Variants in GPR158 observed in about 807,000 individuals in gnomAD.
GPR158 encodes metabotropic glycine receptor.
Under a neutral mutation model 78.2 loss-of-function variants are expected in GPR158, and 30 were observed. The ratio of observed to expected loss-of-function variants is 0.38; its 90% CI spans 0.29 to 0.52. The LOEUF (loss-of-function observed/expected upper bound fraction) is 0.52. Ranked by LOEUF, GPR158 falls within the 20% of genes least tolerant of loss-of-function variation. GPR158 has a pLI of 0.83. For missense variants in GPR158, 1,463 were observed against 1,523.5 expected, an observed-to-expected ratio of 0.96 and a Z score of 0.66; for synonymous variants, 581 against 591.1, an observed-to-expected ratio of 0.98 and a Z score of 0.25.
intron 2 of GPR158, among the ~76,000 whole-genome samples, chr10:25,342,947 T>A (rs1855324456): frequency 6.6e-6 from 1 of 151,784 alleles, no homozygotes. Flanking sequence ...CTCCAGCTTT[T>A]TTTCACCTAA....
intron 5 of GPR158, among the ~76,000 whole-genome samples, chr10:25,513,535 T>C (rs1232726671): frequency 6.6e-6 from 1 of 152,002 alleles, no homozygotes; most frequent in Non-Finnish European, 1.5e-5. Context: ...TGCTCTGATA[T>C]TCGTTGTTTC....
At chr10:25,575,804 TAA>T (rs1837085160) in intron 7 of GPR158, among the ~76,000 whole-genome samples, 1 of 152,004 alleles carries the variant, frequency 6.6e-6, no homozygotes, top group Admixed American at 6.5e-5. Flanking sequence ...TGAAAAAAAA[TAA>T]ACAGGAGCCA....
intron 2 of GPR158, among the ~76,000 whole-genome samples, chr10:25,313,158 A>T (rs933830033): frequency 2.0e-5 from 3 of 149,286 alleles, no homozygotes; most frequent in African/African-American, 4.9e-5. Flanking sequence ...TCTAATATTA[A>T]GTGAAGTATG....
chr10:25,259,818 T>A (rs1308639460), intron 2 of GPR158, among the ~76,000 whole-genome samples: 1 of 152,156 alleles, frequency 6.6e-6, no homozygotes, highest in Non-Finnish European at 1.5e-5. Context: ...GATTTATTCC[T>A]ATCTACTTTA....
chr10:25,512,234 G>A (rs867658126), intron 5 of GPR158, among the ~76,000 whole-genome samples: 6 of 152,010 alleles, frequency 3.9e-5, no homozygotes, highest in Non-Finnish European at 4.4e-5. Context: ...GGTTTTCCTT[G>A]TAGAGGTCTT....
intron 2 of GPR158, among the ~76,000 whole-genome samples, chr10:25,319,828 C>G (rs568313908): frequency 6.9e-6 from 1 of 144,748 alleles, no homozygotes; most frequent in South Asian, 2.2e-4. Context: ...CCCCACCCCC[C>G]CCAAAAAAAA....
At chr10:25,409,194 A>T (rs193168259) in intron 3 of GPR158, among the ~76,000 whole-genome samples, 1 of 152,252 alleles carries the variant, frequency 6.6e-6, no homozygotes, top group Non-Finnish European at 1.5e-5. Context: ...ACATTTTGTA[A>T]TCACATGAAA....
chr10:25,298,829 TCTA>T (rs1376733686), intron 2 of GPR158, among the ~76,000 whole-genome samples: 1 of 152,222 alleles, frequency 6.6e-6, no homozygotes, highest in Non-Finnish European at 1.5e-5. Context: ...TTATTTCTCT[TCTA>T]CTAGAGCCCT....
At chr10:25,181,397 C>T (rs1300699325) in intron 1 of GPR158, among the ~76,000 whole-genome samples, 1 of 152,192 alleles carries the variant, frequency 6.6e-6, no homozygotes, top group Non-Finnish European at 1.5e-5. Context: ...CCATCCTCAG[C>T]TGGCCATAAC....
intron 2 of GPR158, among the ~76,000 whole-genome samples, chr10:25,241,836 T>G (rs1037867468): frequency 3.3e-5 from 5 of 152,218 alleles, no homozygotes; most frequent in Non-Finnish European, 5.9e-5. Flanking sequence ...TTGGTACAGC[T>G]GAATTCTCAC....
chr10:25,305,332 C>A (rs1430095155), intron 2 of GPR158, among the ~76,000 whole-genome samples: 1 of 152,104 alleles, frequency 6.6e-6, no homozygotes, highest in Non-Finnish European at 1.5e-5. Flanking sequence ...ATATTTTAAG[C>A]CTTTACTATG....
chr10:25,374,725 A>G (rs546390563), intron 2 of GPR158, among the ~76,000 whole-genome samples: 18 of 151,820 alleles, frequency 1.2e-4, no homozygotes, highest in Middle Eastern at 3.4e-3. Flanking sequence ...GTGTGTATCA[A>G]TCGTGTGTTC....
rs531459618 is a variant in GPR158 at position 25,573,266 on chromosome 10, G to GT, written c.1753+385dup. Among the ~76,000 whole-genome samples the GT allele has an allele frequency of 1.8e-3, 269 of 152,314 alleles. 2 individuals carry two copies. The highest frequency in any genetic ancestry group is 6.8e-3 in the Middle Eastern group (2 of 294). Reference sequence around the variant, plus strand: ...TTGGGAGAAAAAAGGAAGCACGCTGGTTTTTTAAATAAAATGTTGGCCCTA... The same window carrying GT: ...TTGGGAGAAAAAAGGAAGCACGCTGGTTTTTTTAAATAAAATGTTGGCCCTA... On this transcript the variant is annotated intron_variant, in intron 7 of 10. Transcript: ENST00000376351.
chr10:25,324,731 A>G (rs1285668042), intron 2 of GPR158, among the ~76,000 whole-genome samples: 1 of 152,226 alleles, frequency 6.6e-6, no homozygotes, highest in Non-Finnish European at 1.5e-5. Context: ...AGTGCAATAA[A>G]ATGAGGTATG....
intron 3 of GPR158, among the ~76,000 whole-genome samples, chr10:25,396,981 G>A (rs1210398427): frequency 6.6e-6 from 1 of 152,046 alleles, no homozygotes; most frequent in Non-Finnish European, 1.5e-5. Flanking sequence ...TCAAGACCTA[G>A]CTACGTTACC....
chr10:25,466,721 TA>T lies in GPR158; in HGVS notation c.1404+4del. 1 of 1,562,312 alleles carries T rather than the reference TA, an allele frequency of 6.4e-7. No individual in the cohort carries two copies. The highest frequency in any genetic ancestry group is 8.7e-7 in the Non-Finnish European group (1 of 1,143,448). Reference sequence around the variant, plus strand: ...GGATCTCTGCTCCTATACTTTCCAGTAAGTAACAGAATTTTGTTTTTAAAGT... The same window carrying T: ...GGATCTCTGCTCCTATACTTTCCAGTAGTAACAGAATTTTGTTTTTAAAGT... On this transcript the variant is annotated splice_donor_region_variant and intron_variant, in intron 5 of 10. Transcript: ENST00000376351.
intron 2 of GPR158, among the ~76,000 whole-genome samples, chr10:25,319,856 T>C (rs1854920880): frequency 6.8e-6 from 1 of 147,332 alleles, no homozygotes; most frequent in Admixed American, 6.8e-5. Context: ...CCTGATTTTC[T>C]GTGTACTGTG....
chr10:25,227,471 C>T (rs1853389305), intron 2 of GPR158, among the ~76,000 whole-genome samples: 1 of 152,206 alleles, frequency 6.6e-6, no homozygotes, highest in Admixed American at 6.5e-5. Flanking sequence ...CTGTCTCATG[C>T]AACCCAGTTC....
chr10:25,428,168 T>G (rs1046482548), intron 4 of GPR158, among the ~76,000 whole-genome samples: 7 of 152,108 alleles, frequency 4.6e-5, no homozygotes, highest in Non-Finnish European at 1.0e-4. Flanking sequence ...AAACTTCATT[T>G]TTGTAAAATA....
Sources: gnomAD v4.1 joint callset for allele counts (sites outside exome capture counted in the v4.1 genomes callset) on GRCh38, gnomAD v4.1.1 for gene constraint, MANE v1.5 for transcripts, NCBI Gene and HGNC (gene_info 2026-07-23, HGNC 2026-07-21) for gene names.